SYNRG: variants seen among roughly 807,000 people sequenced by gnomAD.
SYNRG encodes AP1 gamma subunit binding protein 1.
Under a neutral mutation model 130.9 loss-of-function variants are expected in SYNRG, and 37 were observed. The observed-to-expected ratio is 0.28, with a 90% CI of 0.22 to 0.37. The LOEUF is 0.37. SYNRG is among the 10% of genes least tolerant of loss of function. The pLI is 1.00. For missense variants in SYNRG, 1,338 were observed against 1,588.9 expected (o/e 0.84, Z 2.68); for synonymous variants, 539 against 568.1 (o/e 0.95, Z 0.73).
At chr17:37,600,641 C>T in intron 1 of SYNRG, 2 of 635,158 alleles carry the variant, frequency 3.1e-6, no homozygotes, top group Non-Finnish European at 5.7e-6. Context: ...AGTCCTGGCT[C>T]TGTCACTTCG....
chr17:37,576,216 AAAAAAG>A, intron 8 of SYNRG, 119 bp downstream of exon 8: 1 of 881,580 alleles, frequency 1.1e-6, no homozygotes, highest in South Asian at 1.8e-5. Context: ...CTCTTTCAGA[AAAAAAG>A]AAAAGTGACA....
intron 13 of SYNRG, among the ~76,000 whole-genome samples, chr17:37,555,474 T>A (rs1265579363): frequency 6.6e-6 from 1 of 152,236 alleles, no homozygotes; most frequent in Non-Finnish European, 1.5e-5. Context: ...ATTATCATAG[T>A]AATGTTATCA....
At chr17:37,557,424 T>C (rs2059199587) in intron 13 of SYNRG, among the ~76,000 whole-genome samples, 1 of 152,250 alleles carries the variant, frequency 6.6e-6, no homozygotes, top group Admixed American at 6.5e-5. Flanking sequence ...AATGTATTTT[T>C]TGAGTATAAA....
At position 37,531,913 on chromosome 17, in the gene SYNRG, G is replaced by A. The variant is rs569933815; in HGVS notation, c.3666+4066C>T. ...TCGTGCTCCTTTACAAAATGGCTGC[G>A]TAAGATCCTGGGCTAAAGATTCACC... On this transcript the variant is annotated intron_variant, in intron 19 of 21. Coordinates refer to ENST00000612223, the MANE Select transcript of SYNRG (RefSeq NM_007247.6). Among the ~76,000 whole-genome samples the A allele has an allele frequency of 8.4e-4, 128 of 152,262 alleles. No individual in the cohort carries two copies. In the South Asian group the frequency reaches 0.016, roughly 19 times the overall value.
At chr17:37,590,792 C>A (rs1484156391) in intron 3 of SYNRG, among the ~76,000 whole-genome samples, 1 of 151,900 alleles carries the variant, frequency 6.6e-6, no homozygotes, top group African/African-American at 2.4e-5. Flanking sequence ...AGGTGGCGGA[C>A]ACCTGTAATC....
rs201296135 is a variant in SYNRG at position 37,542,415 on chromosome 17, G to A, written c.2759C>T (p.Pro920Leu). The change falls in exon 15 of 22, where the codon CCC becomes CTC. Residue 920 changes from proline (P) to leucine (L), a missense_variant. Around this residue, in one of 3 missense-constraint regions of SYNRG, gnomAD observed 1,146 missense variants for 1,342.3 expected, o/e 0.85. Coordinates refer to ENST00000612223, the MANE Select transcript of SYNRG (RefSeq NM_007247.6). Reference sequence around the variant, plus strand: ...CTTTTGAAGAATTGAGGTGGCTGAGGGGGATCCACTTCCTGCTGAGAGGAC... The same window carrying A: ...CTTTTGAAGAATTGAGGTGGCTGAGAGGGATCCACTTCCTGCTGAGAGGAC... Reference protein sequence around the residue: ...PFVLSAGSGSPSATSILQKKE... With the variant: ...PFVLSAGSGSLSATSILQKKE... 2.0e-5 allele frequency: 33 copies of A among 1,614,168 alleles called. No individual in the cohort carries two copies. The African/African-American group carries it at 3.6e-4, about 18-fold the overall frequency.
chr17:37,560,796 C>G lies in SYNRG; in HGVS notation c.1663+399G>C, dbSNP rs532981985. On this transcript the variant is annotated intron_variant, in intron 13 of 21. Coordinates refer to ENST00000612223, the MANE Select transcript of SYNRG (RefSeq NM_007247.6). ...TCTCTTGCCTCAGCCTCCCGAGTACCCGGGACTACAGGTGCGCACCATCAC... is the reference window on the plus strand; with the variant it reads ...TCTCTTGCCTCAGCCTCCCGAGTACGCGGGACTACAGGTGCGCACCATCAC... Among the ~76,000 whole-genome samples, 11 of 151,736 alleles carry G rather than the reference C, an allele frequency of 7.2e-5. 1 individual carries two copies. The South Asian group carries it at 1.7e-3, about 23-fold the overall frequency.
intron 11 of SYNRG, among the ~76,000 whole-genome samples, chr17:37,565,060 T>C (rs1260283462): frequency 6.6e-6 from 1 of 152,106 alleles, no homozygotes; most frequent in Non-Finnish European, 1.5e-5. Flanking sequence ...GGTCAGGAGT[T>C]CAAGACCAGC....
At chr17:37,547,383 C>T (rs563602650) in intron 14 of SYNRG, among the ~76,000 whole-genome samples, 42 of 151,978 alleles carry the variant, frequency 2.8e-4, no homozygotes, top group Non-Finnish European at 5.3e-4. Flanking sequence ...GCAATTGAGG[C>T]CTTTTGGTTC....
At chr17:37,589,753 GA>G (rs200065631) in intron 3 of SYNRG, among the ~76,000 whole-genome samples, 117 of 132,604 alleles carry the variant, frequency 8.8e-4, no homozygotes, top group African/African-American at 1.1e-3. Context: ...ACTCAAAAAG[GA>G]AAAAAAAAAA....
intron 14 of SYNRG, among the ~76,000 whole-genome samples, chr17:37,546,033 A>C (rs2058248374): frequency 1.3e-5 from 2 of 152,222 alleles, no homozygotes; most frequent in Admixed American, 6.5e-5. Flanking sequence ...CAGTTCATTG[A>C]AGGTAGCTTA....
intron 19 of SYNRG, among the ~76,000 whole-genome samples, chr17:37,529,568 T>C (rs1023639438): frequency 2.1e-5 from 3 of 144,654 alleles, no homozygotes; most frequent in Non-Finnish European, 4.5e-5. Flanking sequence ...AAAGAAAAGG[T>C]GTGGAGGGGT....
At chr17:37,539,499 C>A (rs2057531376) in intron 16 of SYNRG, among the ~76,000 whole-genome samples, 1 of 152,100 alleles carries the variant, frequency 6.6e-6, no homozygotes, top group African/African-American at 2.4e-5. Flanking sequence ...GCCTCCAGAG[C>A]AGCTGGGACT....
At chr17:37,593,547 C>T (rs1030099865) in intron 3 of SYNRG, among the ~76,000 whole-genome samples, 3 of 151,922 alleles carry the variant, frequency 2.0e-5, no homozygotes, top group South Asian at 4.2e-4. Context: ...TATTGAGTTT[C>T]GGGGTGGGGG....
chr17:37,575,032 T>C (rs1167196131), intron 8 of SYNRG, among the ~76,000 whole-genome samples: 1 of 152,022 alleles, frequency 6.6e-6, no homozygotes. Context: ...CTATATTAAG[T>C]GAAATAAGCC....
Position 37,518,842 on chromosome 17 carries a change from G to C in SYNRG, c.*98C>G. ...GCGGTGTTCTTCATATCGATTCAGGGAAGCGAACTGTGCAGTGCTCGCATT... is the reference window on the plus strand; with the variant it reads ...GCGGTGTTCTTCATATCGATTCAGGCAAGCGAACTGTGCAGTGCTCGCATT... On this transcript the variant is annotated 3_prime_UTR_variant, in exon 22 of 22. Transcript: ENST00000612223. 3 of 1,496,664 alleles carry C rather than the reference G, an allele frequency of 2.0e-6. No individual in the cohort carries two copies. Among genetic ancestry groups the C allele is most frequent in the Non-Finnish European group, 2.7e-6 (3 of 1,110,864 alleles). 92.7% of individuals were successfully genotyped at this position (1,496,664 alleles called of 1,614,324 possible).
chr17:37,607,955 CAAAAAAAAAAAAAA>C (rs67822733), intron 1 of SYNRG, among the ~76,000 whole-genome samples: 1 of 51,126 alleles, frequency 2.0e-5, no homozygotes, highest in Non-Finnish European at 4.4e-5. Flanking sequence ...GACTTCCTCT[CAAAAAAAAAAAAAA>C]AAAAAAAAAA....
At chr17:37,604,818 C>T (rs1309668240) in intron 1 of SYNRG, among the ~76,000 whole-genome samples, 1 of 152,116 alleles carries the variant, frequency 6.6e-6, no homozygotes, top group Non-Finnish European at 1.5e-5. Context: ...GGTTAATCAG[C>T]CTAATTTCAA....
At chr17:37,557,617 A>G (rs776763052) in intron 13 of SYNRG, among the ~76,000 whole-genome samples, 53 of 152,192 alleles carry the variant, frequency 3.5e-4, no homozygotes, top group Non-Finnish European at 6.0e-4. Flanking sequence ...GGTGGCTCAC[A>G]CTTGTAATCC....
Sources: allele counts gnomAD v4.1 joint callset (sites outside exome capture counted in the v4.1 genomes callset), GRCh38; gene constraint gnomAD v4.1.1; regional missense constraint gnomAD v4.1.1; transcripts MANE v1.5; gene names NCBI Gene and HGNC (gene_info 2026-07-23, HGNC 2026-07-21).